Variants in DHX37 observed in about 807,000 individuals in gnomAD.
DHX37 encodes DEAH-box helicase 37, also known as probable ATP-dependent RNA helicase DHX37.
Under a neutral mutation model 134.3 loss-of-function variants are expected in DHX37, and 52 were observed. That is an observed-to-expected ratio of 0.39 (90% CI 0.31 to 0.49). The LOEUF (loss-of-function observed/expected upper bound fraction) is 0.49, where lower values mean the gene tolerates loss of function less well. Among genes scored for constraint, DHX37 ranks in the 20% least tolerant of loss-of-function variants. The pLI is 0.93. For synonymous variants in DHX37, 634 were observed against 670.7 expected (o/e 0.95, Z 0.85); for missense variants, 1,344 against 1,580.8 (o/e 0.85, Z 2.54).
At position 124,950,075 on chromosome 12, in the gene DHX37, AG is replaced by A; in HGVS notation, c.3217-17del. Reference sequence around the variant, plus strand: ...TGCGGAAGACCTGATGAGAGACCACAGGAAGGGGTGAGGCCCGGGCTGCTGC... The same window carrying A: ...TGCGGAAGACCTGATGAGAGACCACAGAAGGGGTGAGGCCCGGGCTGCTGC... On this transcript the variant is annotated splice_polypyrimidine_tract_variant and intron_variant, in intron 24 of 26. Transcript: ENST00000308736. 6.2e-7 allele frequency: 1 copy of A among 1,613,806 alleles called. No homozygotes were observed. Among genetic ancestry groups the A allele is most frequent in the Non-Finnish European group, 8.5e-7 (1 of 1,179,900 alleles).
rs1036114631 is a variant in DHX37 at position 124,949,793 on chromosome 12, C to T, written c.3290+193G>A. Among the ~76,000 whole-genome samples the T allele has an allele frequency of 1.1e-4, 17 of 152,074 alleles. No individual in the cohort carries two copies. The highest frequency in any genetic ancestry group is 3.9e-4 in the Admixed American group (6 of 15,262). On this transcript the variant is annotated intron_variant, in intron 25 of 26. Coordinates refer to ENST00000308736, the MANE Select transcript of DHX37 (RefSeq NM_032656.4). This position sits in a 1 kb window ranked among gnomAD's most constrained non-coding sequence, Gnocchi z 4.0. ...TGATGTGGCCACAAGCCCAGGAGGC[C>T]GACAGAGGCAAGACGGACCCTCCCC... is the stretch of plus-strand genomic sequence containing the variant.
chr12:124,987,208 T>C (rs928773640), intron 1 of DHX37, among the ~76,000 whole-genome samples: 5 of 152,214 alleles, frequency 3.3e-5, no homozygotes, highest in African/African-American at 4.8e-5. Flanking sequence ...CCAGGTGTGA[T>C]GGCATGCACC....
chr12:124,964,454 T>C lies in DHX37; in HGVS notation c.1985A>G (p.Gln662Arg). ...VSSFRVTWVS[Q>R]ASADQRAGRA... ...GCCCGCTCGCTGGTCAGCTGATGCC[T>C]GGGAGACCCAGGTGACACGGAAGGA... The change falls in exon 15 of 27, where the codon CAG (glutamine) becomes CGG (arginine). Residue 662 changes from glutamine to arginine, a missense_variant. Around this residue, in one of 7 missense-constraint regions of DHX37, gnomAD observed 39 missense variants for 87.9 expected, o/e 0.44. Coordinates refer to ENST00000308736, the MANE Select transcript of DHX37 (RefSeq NM_032656.4). 6.2e-7 allele frequency: 1 copy of C among 1,614,214 alleles called. No individual in the cohort carries two copies. The highest frequency in any genetic ancestry group is 1.1e-5 in the South Asian group (1 of 91,086).
intron 12 of DHX37, 50 bp downstream of exon 12, chr12:124,966,743 T>C (rs34554392): frequency 7.5e-6 from 12 of 1,590,692 alleles, no homozygotes; most frequent in Non-Finnish European, 1.0e-5. Flanking sequence ...GCTGCCATCC[T>C]GGACAACGCA....
rs375604344 is a variant in DHX37, at chr12:124,950,555, G to A, written c.2984-5C>T. The stretch of plus-strand genomic sequence containing the variant: ...GGACCTCCACGCTAGAGACGCCTGG[G>A]GGCCGGGGGAGGAAGCTGGGGTTAC... On this transcript the variant is annotated splice_region_variant and splice_polypyrimidine_tract_variant and intron_variant, in intron 22 of 26. Transcript: ENST00000308736. The A allele has an allele frequency of 7.8e-6, 12 of 1,546,260 alleles. No homozygotes were observed. The highest frequency in any genetic ancestry group is 6.8e-5 in the East Asian group (3 of 44,276).
At chr12:124,958,606 T>C (rs1954153017) in intron 16 of DHX37, among the ~76,000 whole-genome samples, 1 of 152,108 alleles carries the variant, frequency 6.6e-6, no homozygotes, top group Non-Finnish European at 1.5e-5. Flanking sequence ...GCCCAGCACA[T>C]ACTTGGCATC....
intron 6 of DHX37, among the ~76,000 whole-genome samples, chr12:124,973,807 A>C (rs1265442893): frequency 1.3e-5 from 2 of 151,598 alleles, no homozygotes; most frequent in Non-Finnish European, 2.9e-5. Context: ...CACCCAGCTA[A>C]TTTTTTTGTA....
chr12:124,965,707 C>A lies in DHX37; in HGVS notation c.1696G>T (p.Asp566Tyr). Reference sequence around the variant, plus strand: ...CCATCCCCCAGGTCCAGATCGAGGTCGGAGTCCAGGGCCCCCTCTTCCTCA... The same window carrying A: ...CCATCCCCCAGGTCCAGATCGAGGTAGGAGTCCAGGGCCCCCTCTTCCTCA... ...VDEEEGALDS[D>Y]LDLDLGDGGQ... is the part of the protein sequence containing the mutation. The change falls in exon 13 of 27, where the codon GAC (aspartate) becomes TAC (tyrosine). Residue 566 changes from aspartate to tyrosine, a missense_variant. Asp to Tyr is a radical substitution (Grantham distance 160). Around this residue, in one of 7 missense-constraint regions of DHX37, gnomAD observed 289 missense variants for 323.8 expected, o/e 0.89. Coordinates refer to ENST00000308736, the MANE Select transcript of DHX37 (RefSeq NM_032656.4). 1 of 1,613,648 alleles carries A rather than the reference C, an allele frequency of 6.2e-7. No homozygotes were observed. The highest frequency in any genetic ancestry group is 8.5e-7 in the Non-Finnish European group (1 of 1,179,762).
chr12:124,982,423 T>C, intron 3 of DHX37, 88 bp downstream of exon 3: 1 of 1,510,890 alleles, frequency 6.6e-7, no homozygotes, highest in South Asian at 1.2e-5. Flanking sequence ...TCTCAAATGT[T>C]CCACCCCCAG....
intron 18 of DHX37, 91 bp downstream of exon 18, chr12:124,956,600 T>C: frequency 1.4e-6 from 2 of 1,421,002 alleles, no homozygotes; most frequent in African/African-American, 1.5e-5. Flanking sequence ...ATGATTCTTC[T>C]ACCTCAGCCT....
At chr12:124,953,799 A>G (rs1954023886) in intron 20 of DHX37, 81 bp downstream of exon 20, 40 of 1,559,306 alleles carry the variant, frequency 2.6e-5, no homozygotes, top group Non-Finnish European at 3.3e-5. Context: ...CGTGGACTCT[A>G]TGGATCACTT....
chr12:124,950,315 C>A, intron 23 of DHX37, 72 bp from the exon 24 acceptor site: 1 of 1,605,898 alleles, frequency 6.2e-7, no homozygotes. Flanking sequence ...CTGCCCCACC[C>A]GAGACACACA....
chr12:124,956,523 C>G (rs1162566219), intron 18 of DHX37, among the ~76,000 whole-genome samples, 168 bp downstream of exon 18: 2 of 152,190 alleles, frequency 1.3e-5, no homozygotes, highest in Non-Finnish European at 2.9e-5. Flanking sequence ...GGGTCTCACT[C>G]TGTTGCCCAG....
chr12:124,965,813 C>T lies in DHX37; in HGVS notation c.1591-1G>A. On this transcript the variant is annotated splice_acceptor_variant, in intron 12 of 26. Transcript: ENST00000308736. LOFTEE classifies it high-confidence loss of function. Reference sequence around the variant, plus strand: ...GATCCAAGTTGATCTGGGGCAGCACCTACGGCGAACAAGACATAGACACCT... The same window carrying T: ...GATCCAAGTTGATCTGGGGCAGCACTTACGGCGAACAAGACATAGACACCT... 1 of 1,612,858 alleles carries T rather than the reference C, an allele frequency of 6.2e-7. No individual in the cohort carries two copies. Among genetic ancestry groups the T allele is most frequent in the Non-Finnish European group, 8.5e-7 (1 of 1,179,326 alleles).
chr12:124,973,020 T>C (rs1020840555), intron 6 of DHX37, among the ~76,000 whole-genome samples: 4 of 152,356 alleles, frequency 2.6e-5, no homozygotes, highest in Non-Finnish European at 4.4e-5. Context: ...TGTGCACCTG[T>C]AGTCCCAGCT....
intron 3 of DHX37, among the ~76,000 whole-genome samples, chr12:124,981,116 T>G (rs7306589): frequency 6.6e-6 from 1 of 151,924 alleles, no homozygotes; most frequent in Non-Finnish European, 1.5e-5. Flanking sequence ...CTTCCCAGCG[T>G]GGGACACAGA....
rs1410004155 is a variant in DHX37, at chr12:124,966,793, C to T, written c.1590G>A (p.Glu530=). The change falls in exon 12 of 27, where the codon GAG becomes GAA. Residue 530 remains glutamate (E), a splice_region_variant and synonymous_variant. Coordinates refer to ENST00000308736, the MANE Select transcript of DHX37 (RefSeq NM_032656.4). ...GAGTCCCTGCCAGCCCCCCACGTAC[C>T]TCAGCCCGCGCCTTCTTGGCCCTGG... ...SRARAKKARA[E]VLPQINLDHY... The T allele has an allele frequency of 1.9e-6, 3 of 1,614,134 alleles. No individual in the cohort carries two copies. Among genetic ancestry groups the T allele is most frequent in the African/African-American group, 2.7e-5 (2 of 74,956 alleles).
At chr12:124,975,333 G>T in intron 6 of DHX37, 86 bp downstream of exon 6, 1 of 1,372,938 alleles carries the variant, frequency 7.3e-7, no homozygotes, top group Non-Finnish European at 1.0e-6. Flanking sequence ...CGGCACAGAT[G>T]CTGCTCACCT....
rs769356648 is a variant in DHX37, at chr12:124,953,900, C to T, written c.2675G>A (p.Arg892Gln). ...YKAMMEIRRL[R>Q]GQLTTAVNAV... ...CGTACCTGCGGTGGTCAGCTGGCCCCGCAGGCGCCGGATCTCCATCATGGC... is the reference window on the plus strand; with the variant it reads ...CGTACCTGCGGTGGTCAGCTGGCCCTGCAGGCGCCGGATCTCCATCATGGC... The change falls in exon 20 of 27, where the codon CGG (arginine) becomes CAG (glutamine). Residue 892 changes from arginine (R) to glutamine (Q), a missense_variant. Physicochemically the swap from Arg to Gln is conservative, Grantham distance 43 (BLOSUM62 1). This residue lies in a region of DHX37 where 558 missense variants were observed against 650.0 expected (regional missense o/e 0.86). Transcript: ENST00000308736. 7.8e-5 allele frequency: 126 copies of T among 1,611,534 alleles called. No individual in the cohort carries two copies. Among genetic ancestry groups the T allele is most frequent in the Non-Finnish European group, 1.0e-4 (121 of 1,179,292 alleles).
Sources: allele counts gnomAD v4.1 joint callset (sites outside exome capture counted in the v4.1 genomes callset), GRCh38; gene constraint gnomAD v4.1.1; regional missense constraint gnomAD v4.1.1; non-coding constraint Gnocchi (gnomAD v3.1); transcripts MANE v1.5; gene names NCBI Gene and HGNC (gene_info 2026-07-23, HGNC 2026-07-21).